Variants in PMPCB observed in about 807,000 individuals in gnomAD.
PMPCB encodes peptidase, mitochondrial processing subunit beta, also known as mitochondrial-processing peptidase subunit beta.
Under a neutral mutation model 61.5 loss-of-function variants are expected in PMPCB, and 46 were observed. The ratio of observed to expected loss-of-function variants is 0.75; its 90% CI spans 0.59 to 0.96. PMPCB has a LOEUF of 0.96. Among genes scored for constraint, PMPCB ranks in the 40% least tolerant of loss-of-function variants. The pLI is 0.00. For synonymous variants in PMPCB, 191 were observed against 201.6 expected, an observed-to-expected ratio of 0.95 and a Z score of 0.44; for missense variants, 590 against 602.4, an observed-to-expected ratio of 0.98 and a Z score of 0.22.
downstream of PMPCB, among the ~76,000 whole-genome samples, chr7:103,318,792 A>C (rs1265534052): frequency 6.6e-6 from 1 of 151,970 alleles, no homozygotes; most frequent in African/African-American, 2.4e-5. Flanking sequence ...GGAATAATCA[A>C]AACAATTATT....
At chr7:103,327,284 G>GAA (rs749664223) in intron 12 of PMPCB, 326 of 846,408 alleles carry the variant, frequency 3.9e-4, no homozygotes, top group Middle Eastern at 9.5e-4. Flanking sequence ...CATCTGAAAC[G>GAA]AAAAAAAAAA....
At chr7:103,322,201 T>C in intron 12 of PMPCB, 1 of 756,728 alleles carries the variant, frequency 1.3e-6, no homozygotes, top group Non-Finnish European at 1.9e-6. Flanking sequence ...CATAAACTTA[T>C]TGAAAACTGA....
rs1181888646 is a variant in PMPCB, at chr7:103,313,116, T to A, written c.*845T>A. 1.9e-6 allele frequency: 3 copies of A among 1,592,382 alleles called. No individual in the cohort carries two copies. The highest frequency in any genetic ancestry group is 2.6e-6 in the Non-Finnish European group (3 of 1,173,188). On this transcript the variant is annotated 3_prime_UTR_variant, in exon 13 of 13. Coordinates refer to ENST00000249269, the MANE Select transcript of PMPCB (RefSeq NM_004279.3). ...TGTATATGGACCTGATTAAGAAAAA[T>A]TTTTATTTGAAAACTGTCTTTGAAC... is the stretch of plus-strand genomic sequence containing the variant.
At chr7:103,330,695 C>T (rs1818931059), downstream of PMPCB, among the ~76,000 whole-genome samples, 1 of 151,484 alleles carries the variant, frequency 6.6e-6, no homozygotes, top group Admixed American at 6.6e-5. Flanking sequence ...CGTGATCTGC[C>T]CACCTCAGCC....
Position 103,300,266 on chromosome 7 carries a change from C to G in PMPCB, c.416C>G (p.Thr139Ser), listed in dbSNP as rs747613494. Residue 139 changes from threonine to serine, a missense_variant, in exon 4 of 13, where the codon ACT (threonine) becomes AGT (serine). By Grantham distance (58) the Thr-to-Ser change is moderately conservative. Coordinates refer to ENST00000249269, the MANE Select transcript of PMPCB (RefSeq NM_004279.3). ...AATGCCTATACCTCCAGAGAGCAGA[C>G]TGTATACTATGCCAAAGCATTCTCT... The part of the protein sequence containing the change: ...HLNAYTSREQ[T>S]VYYAKAFSKD... 1 of 1,611,776 alleles carries G rather than the reference C, an allele frequency of 6.2e-7. No homozygotes were observed. The highest frequency in any genetic ancestry group is 8.5e-7 in the Non-Finnish European group (1 of 1,178,128).
chr7:103,315,968 A>T, downstream of PMPCB: 2 of 1,577,174 alleles, frequency 1.3e-6, no homozygotes, highest in Non-Finnish European at 1.7e-6. Flanking sequence ...AAAGTAACAA[A>T]TGGACTTCTC....
chr7:103,304,941 A>G (rs183054015), intron 6 of PMPCB, among the ~76,000 whole-genome samples: 147 of 152,184 alleles, frequency 9.7e-4, no homozygotes, highest in Admixed American at 3.1e-3. Flanking sequence ...CGTGGGCGAC[A>G]GAGTGAGACT....
At chr7:103,316,789 C>G (rs775953498), downstream of PMPCB, 7 of 1,531,928 alleles carry the variant, frequency 4.6e-6, no homozygotes, top group Non-Finnish European at 6.3e-6. Flanking sequence ...TATCTCCAGG[C>G]TCCAGTGTGA....
intron 12 of PMPCB, among the ~76,000 whole-genome samples, chr7:103,323,144 G>A (rs914388370): frequency 2.6e-5 from 4 of 152,108 alleles, no homozygotes; most frequent in Admixed American, 6.6e-5. Flanking sequence ...TGGCCAGGCT[G>A]GTCTCGCACT....
intron 4 of PMPCB, among the ~76,000 whole-genome samples, chr7:103,303,321 T>TC (rs1456165824): frequency 6.6e-6 from 1 of 152,212 alleles, no homozygotes; most frequent in African/African-American, 2.4e-5. Flanking sequence ...TTTGGCATGT[T>TC]CCCCAGGTTG....
intron 4 of PMPCB, among the ~76,000 whole-genome samples, chr7:103,303,520 A>G (rs1307821154): frequency 1.3e-5 from 2 of 152,196 alleles, no homozygotes; most frequent in African/African-American, 4.8e-5. Context: ...TTTCAGACTA[A>G]TATATATAAC....
At chr7:103,309,405 G>C (rs1013736363) in intron 8 of PMPCB, 8 of 194,510 alleles carry the variant, frequency 4.1e-5, no homozygotes, top group African/African-American at 1.9e-4. Context: ...CCATATCCGT[G>C]GATTCAACCA....
Position 103,310,340 on chromosome 7 carries a change from T to C in PMPCB, c.1019T>C (p.Leu340Pro). The change falls in exon 9 of 13, where the codon CTC (leucine) becomes CCC (proline). Residue 340 changes from leucine (L) to proline (P), a missense_variant. By Grantham distance (98) the Leu-to-Pro change is moderately conservative. Coordinates refer to ENST00000249269, the MANE Select transcript of PMPCB (RefSeq NM_004279.3). ...GMNLSSKLAQLTCHGNLCHSF... is the reference protein window; with the variant it reads ...GMNLSSKLAQPTCHGNLCHSF... ...AATTTATCTAGCAAGCTGGCCCAGC[T>C]CACTTGTCATGGCAATCTTTGCCAT... 6.2e-7 allele frequency: 1 copy of C among 1,613,612 alleles called. No homozygotes were observed. The highest frequency in any genetic ancestry group is 8.5e-7 in the Non-Finnish European group (1 of 1,179,754).
At chr7:103,345,122 T>G in the PMPCB span, 1 of 208,318 alleles carries the variant, frequency 4.8e-6, no homozygotes, top group South Asian at 1.8e-4. Context: ...AGTATATACA[T>G]TTGCGGAGAA....
At chr7:103,316,710 C>T (rs571154372), downstream of PMPCB, 2 of 855,900 alleles carry the variant, frequency 2.3e-6, no homozygotes, top group Admixed American at 2.6e-5. Flanking sequence ...CACTTTTCTG[C>T]TGTGGCACAG....
the PMPCB span, chr7:103,336,100 G>A: frequency 6.6e-6 from 1 of 152,462 alleles, no homozygotes; most frequent in Admixed American, 6.5e-5. Context: ...CTGGGAGGCG[G>A]AGGTTGTGGT....
chr7:103,303,013 G>A (rs929911944), intron 4 of PMPCB, among the ~76,000 whole-genome samples: 4 of 151,902 alleles, frequency 2.6e-5, no homozygotes, highest in Non-Finnish European at 5.9e-5. Flanking sequence ...AGAGGTATGC[G>A]CTTTTTCTGA....
At position 103,314,639 on chromosome 7, in the gene PMPCB, G is replaced by A. The variant is rs1009573532; in HGVS notation, c.*2368G>A. ...TGTCTTTCAGGTGTTCTGAAACCCT[G>A]CCTTGTTACTTACCTTTATTAAAAG... On this transcript the variant is annotated 3_prime_UTR_variant, in exon 13 of 13. Coordinates refer to ENST00000249269, the MANE Select transcript of PMPCB (RefSeq NM_004279.3). The A allele has an allele frequency of 2.0e-6, 2 of 985,264 alleles. No individual in the cohort carries two copies. The highest frequency in any genetic ancestry group is 2.4e-6 in the Non-Finnish European group (2 of 829,912). The allele number at this position is 985,264 out of a possible 1,614,324, so 61.0% of individuals were successfully genotyped here. A position where few individuals can be genotyped will look rare whatever the true frequency, so the allele number is the denominator to read the frequency against.
Position 103,298,612 on chromosome 7 carries a change from T to C in PMPCB, c.144T>C (p.Ala48=). Residue 48 remains alanine, a synonymous_variant, in exon 2 of 13, where the codon GCT becomes GCC. Coordinates refer to ENST00000249269, the MANE Select transcript of PMPCB (RefSeq NM_004279.3). ...GENRLRSTQA[A]TQVVLNVPET... ...ACAGATTAAGAAGTACACAGGCTGC[T>C]ACCCAAGTTGTTCTGAATGTTCCTG... The C allele has an allele frequency of 2.5e-6, 4 of 1,613,990 alleles. No individual in the cohort carries two copies. Among genetic ancestry groups the C allele is most frequent in the Non-Finnish European group, 3.4e-6 (4 of 1,179,832 alleles).
Sources: allele counts gnomAD v4.1 joint callset (sites outside exome capture counted in the v4.1 genomes callset), GRCh38; gene constraint gnomAD v4.1.1; transcripts MANE v1.5; gene names NCBI Gene and HGNC (gene_info 2026-07-23, HGNC 2026-07-21).